The following CSMD1 variants were observed in gnomAD, a reference collection of about 807,000 sequenced individuals.
The protein encoded by CSMD1 is CUB and sushi domain-containing protein 1.
CSMD1 carries 213 observed loss-of-function variants against 417.5 expected under a neutral mutation model. That is an observed-to-expected ratio of 0.51 (90% CI 0.46 to 0.57). The LOEUF is 0.57. Ranked by LOEUF, CSMD1 falls within the 20% of genes least tolerant of loss-of-function variation. CSMD1 has a pLI of 0.00. For missense variants in CSMD1, 6,923 were observed against 4,529.7 expected (o/e 1.53, Z -15.17); for synonymous variants, 2,862 against 1,736.8 (o/e 1.65, Z -16.11).
chr8:3,840,693 ATT>A (rs34360211), intron 5 of CSMD1, among the ~76,000 whole-genome samples: 26 of 134,778 alleles, frequency 1.9e-4, no homozygotes, highest in Admixed American at 4.5e-4. Context: ...CTTTTTTTTA[ATT>A]TTTTTTTTTT....
chr8:4,921,749 C>T lies in CSMD1; in HGVS notation c.85+72583G>A, dbSNP rs11995833. Among the ~76,000 whole-genome samples the T allele has an allele frequency of 8.8e-3, 1,346 of 152,186 alleles. 21 individuals are homozygous for T. The highest frequency in any genetic ancestry group is 0.031 in the African/African-American group (1,293 of 41,534). ...AAGACAAAATGTGTTCCTTGTTGTT[C>T]TGAGTAATTATTCTTCTCCACCAGC... On this transcript the variant is annotated intron_variant, in intron 1 of 69. Coordinates refer to ENST00000635120, the MANE Select transcript of CSMD1 (RefSeq NM_033225.6).
chr8:4,596,173 T>C (rs1469320907), intron 2 of CSMD1, among the ~76,000 whole-genome samples: 1 of 152,138 alleles, frequency 6.6e-6, no homozygotes, highest in Non-Finnish European at 1.5e-5. Context: ...TGGAATAATA[T>C]ATACCCACTG....
At chr8:4,904,559 C>T (rs767408578) in intron 1 of CSMD1, among the ~76,000 whole-genome samples, 1 of 152,074 alleles carries the variant, frequency 6.6e-6, no homozygotes, top group Non-Finnish European at 1.5e-5. Context: ...CATGGAGCCA[C>T]AGAATATCAT....
intron 5 of CSMD1, among the ~76,000 whole-genome samples, chr8:3,889,151 T>G (rs969422575): frequency 2.0e-5 from 3 of 151,912 alleles, no homozygotes; most frequent in Non-Finnish European, 4.4e-5. Context: ...AAATCAGTGT[T>G]TAGAAAACAA....
chr8:2,971,636 A>G (rs949582938), intron 57 of CSMD1, among the ~76,000 whole-genome samples: 3 of 152,246 alleles, frequency 2.0e-5, no homozygotes, highest in Admixed American at 1.3e-4. Flanking sequence ...ATGAAAGAGT[A>G]GAAAACACTC....
intron 2 of CSMD1, among the ~76,000 whole-genome samples, chr8:4,615,383 T>A (rs1563336590): frequency 2.6e-5 from 4 of 152,198 alleles, no homozygotes; most frequent in African/African-American, 9.7e-5. Flanking sequence ...TCTTAACATA[T>A]GGAGAAATTG....
chr8:4,404,199 C>G (rs949251656), intron 3 of CSMD1, among the ~76,000 whole-genome samples: 2 of 152,154 alleles, frequency 1.3e-5, no homozygotes, highest in Non-Finnish European at 2.9e-5. Flanking sequence ...TATAGCCTGA[C>G]AATCCGTATG....
At chr8:4,676,181 C>T (rs896831478) in intron 1 of CSMD1, among the ~76,000 whole-genome samples, 4 of 152,142 alleles carry the variant, frequency 2.6e-5, no homozygotes, top group African/African-American at 2.4e-5. Context: ...AGGTCATAGA[C>T]CCTGACCTAG....
At chr8:4,577,390 C>T (rs192600954) in intron 2 of CSMD1, among the ~76,000 whole-genome samples, 2 of 152,104 alleles carry the variant, frequency 1.3e-5, no homozygotes, top group Non-Finnish European at 1.5e-5. Context: ...CATTTCTTTC[C>T]ATCCTCTCAA....
intron 25 of CSMD1, among the ~76,000 whole-genome samples, chr8:3,298,935 C>A (rs965207954): frequency 3.0e-4 from 46 of 152,134 alleles, no homozygotes; most frequent in Non-Finnish European, 7.4e-5. Flanking sequence ...AGCCACATGG[C>A]AGTTTTTATG....
chr8:4,781,476 T>A (rs989546197), intron 1 of CSMD1, among the ~76,000 whole-genome samples: 1 of 152,202 alleles, frequency 6.6e-6, no homozygotes, highest in African/African-American at 2.4e-5. Context: ...GGAGGCAACA[T>A]AATCTCAGAC....
chr8:4,424,183 T>A (rs574991792), intron 2 of CSMD1, among the ~76,000 whole-genome samples: 1 of 152,080 alleles, frequency 6.6e-6, no homozygotes, highest in East Asian at 1.9e-4. Context: ...AAAAGATAAG[T>A]TAATAAATTG....
intron 3 of CSMD1, among the ~76,000 whole-genome samples, chr8:4,379,650 G>C (rs529812455): frequency 1.5e-4 from 23 of 151,510 alleles, no homozygotes; most frequent in African/African-American, 5.1e-4. Context: ...GAGTCTGCTG[G>C]ACTTTTTTTG....
At position 3,369,283 on chromosome 8, in the gene CSMD1, G is replaced by A. The variant is rs900064028; in HGVS notation, c.2870C>T (p.Thr957Met). 5.7e-6 allele frequency: 9 copies of A among 1,590,892 alleles called. No individual in the cohort carries two copies. The highest frequency in any genetic ancestry group is 2.2e-5 in the East Asian group (1 of 44,716). The change falls in exon 19 of 70, where the codon ACG becomes ATG. Residue 957 changes from threonine (T) to methionine (M), a missense_variant. Physicochemically the swap from Thr to Met is moderately conservative, Grantham distance 81. Coordinates refer to ENST00000635120, the MANE Select transcript of CSMD1 (RefSeq NM_033225.6). The part of the protein sequence containing the change: ...PDFYPNSLNC[T>M]WTIEVSHGKG... ...CCCATGAGACACTTCAATGGTCCAC[G>A]TGCAGTTTAGAGAGTTTGGATAAAA...
chr8:4,645,503 C>A (rs1803464016), intron 1 of CSMD1, among the ~76,000 whole-genome samples: 2 of 99,314 alleles, frequency 2.0e-5, no homozygotes, highest in South Asian at 3.6e-4. Context: ...TCAAACAAAT[C>A]TAAAATATGA....
intron 1 of CSMD1, among the ~76,000 whole-genome samples, chr8:4,748,911 C>T (rs562010796): frequency 5.3e-5 from 8 of 152,330 alleles, no homozygotes; most frequent in Admixed American, 1.3e-4. Context: ...TGAAGGTTCT[C>T]TGCTGCAGAC....
At chr8:3,184,945 C>G (rs1399911842) in intron 36 of CSMD1, among the ~76,000 whole-genome samples, 1 of 152,222 alleles carries the variant, frequency 6.6e-6, no homozygotes, top group Non-Finnish European at 1.5e-5. Context: ...CAGGCTACCA[C>G]TTTGTTTTCA....
At chr8:3,278,962 C>A (rs550208284) in intron 26 of CSMD1, 9 of 152,260 alleles carry the variant, frequency 5.9e-5, no homozygotes, top group South Asian at 2.1e-4. Context: ...GTTATAGGAA[C>A]CTTCTTTTCT....
intron 3 of CSMD1, among the ~76,000 whole-genome samples, chr8:4,254,109 G>A (rs890877695): frequency 6.6e-6 from 1 of 151,758 alleles, no homozygotes; most frequent in Non-Finnish European, 1.5e-5. Context: ...AGTAGAGACA[G>A]GGTTTCACCG....
Sources: gnomAD v4.1 joint callset for allele counts (sites outside exome capture counted in the v4.1 genomes callset) on GRCh38, gnomAD v4.1.1 for gene constraint, MANE v1.5 for transcripts, NCBI Gene and HGNC (gene_info 2026-07-23, HGNC 2026-07-21) for gene names.